Variants in ROBO2 observed in about 807,000 individuals in gnomAD.
ROBO2 encodes roundabout guidance receptor 2, also known as roundabout homolog 2.
In ROBO2, 53 loss-of-function variants were observed where a neutral mutation model predicts 160.8. The observed-to-expected ratio is 0.33, with a 90% CI of 0.26 to 0.41. The LOEUF is 0.41. Ranked by LOEUF, ROBO2 falls within the 10% of genes least tolerant of loss-of-function variation. The pLI is 1.00. For missense variants in ROBO2, 1,577 were observed against 1,722.4 expected, an observed-to-expected ratio of 0.92 and a Z score of 1.49; for synonymous variants, 664 against 611.7, an observed-to-expected ratio of 1.09 and a Z score of -1.26.
At chr3:77,630,253 T>C (rs1031772501) in intron 23 of ROBO2, 2 of 152,190 alleles carry the variant, frequency 1.3e-5, no homozygotes, top group Admixed American at 6.5e-5. Context: ...ACTGTAAAGA[T>C]ATTACCGGAG....
chr3:76,199,683 G>T (rs1702427354), intron 2 of ROBO2, among the ~76,000 whole-genome samples: 1 of 152,108 alleles, frequency 6.6e-6, no homozygotes, highest in Non-Finnish European at 1.5e-5. Context: ...GGCCCAAAAT[G>T]ATCAACACTC....
At chr3:77,240,432 C>T (rs1456056796) in intron 2 of ROBO2, among the ~76,000 whole-genome samples, 2 of 152,176 alleles carry the variant, frequency 1.3e-5, no homozygotes, top group Non-Finnish European at 2.9e-5. Flanking sequence ...CCTGCGATTG[C>T]CGCACACAGC....
intron 1 of ROBO2, among the ~76,000 whole-genome samples, chr3:75,910,835 T>C (rs1340368092): frequency 6.6e-6 from 1 of 152,128 alleles, no homozygotes; most frequent in Non-Finnish European, 1.5e-5. Context: ...AAACAGAAGA[T>C]ACTGAACAAA....
intron 16 of ROBO2, among the ~76,000 whole-genome samples, chr3:77,587,272 G>A (rs1240808132): frequency 1.3e-5 from 2 of 152,038 alleles, no homozygotes; most frequent in Non-Finnish European, 2.9e-5. Context: ...CAGGCCTGGA[G>A]GGTCGTGTGC....
At chr3:77,345,259 G>A (rs996720966) in intron 2 of ROBO2, among the ~76,000 whole-genome samples, 1 of 152,068 alleles carries the variant, frequency 6.6e-6, no homozygotes, top group Non-Finnish European at 1.5e-5. Context: ...GTCCCCACAG[G>A]GTTGCTTGTA....
At chr3:77,008,726 A>C (rs1427419583) in intron 2 of ROBO2, among the ~76,000 whole-genome samples, 2 of 152,188 alleles carry the variant, frequency 1.3e-5, no homozygotes, top group East Asian at 3.8e-4. Flanking sequence ...ATCTGTCAAG[A>C]TATGAAAATT....
rs191756087 is a variant in ROBO2, at chr3:76,298,681, C to A, written c.109+361079C>A. Among the ~76,000 whole-genome samples, 1,096 of 152,282 alleles carry A rather than the reference C, an allele frequency of 7.2e-3. 11 individuals are homozygous for A. The highest frequency in any genetic ancestry group is 8.1e-3 in the Non-Finnish European group (552 of 68,026). ...AACAACCTCATGGGATATATTTTAT[C>A]TCCATGTTTAAAATGGGACACTGAG... On this transcript the variant is annotated intron_variant, in intron 2 of 26. Transcript: ENST00000487694.
At chr3:76,759,335 C>G (rs1156797230) in intron 2 of ROBO2, among the ~76,000 whole-genome samples, 3 of 151,716 alleles carry the variant, frequency 2.0e-5, no homozygotes, top group Non-Finnish European at 2.9e-5. Context: ...AATTAAATGT[C>G]AGAATTTAAA....
chr3:75,990,877 G>A (rs992011655), intron 2 of ROBO2, among the ~76,000 whole-genome samples: 7 of 152,148 alleles, frequency 4.6e-5, no homozygotes, highest in African/African-American at 1.4e-4. Context: ...ACTTGAATCA[G>A]TAAACTGAGT....
At chr3:76,405,686 A>G (rs2078086550) in intron 2 of ROBO2, among the ~76,000 whole-genome samples, 1 of 151,704 alleles carries the variant, frequency 6.6e-6, no homozygotes, top group Non-Finnish European at 1.5e-5. Context: ...GCAAGAGTCC[A>G]CATGTTCATC....
chr3:76,798,259 GGAAAGAAAGAAAGAAA>G (rs71104619), intron 2 of ROBO2, among the ~76,000 whole-genome samples: 194 of 94,282 alleles, frequency 2.1e-3, no homozygotes, highest in South Asian at 7.6e-3. Flanking sequence ...AAAGAAAGAA[GGAAAGAAAGAAAGAAA>G]GAAAGAAAGA....
At chr3:76,488,766 A>G (rs1012254226) in intron 2 of ROBO2, among the ~76,000 whole-genome samples, 6 of 152,086 alleles carry the variant, frequency 3.9e-5, no homozygotes, top group Admixed American at 2.0e-4. Context: ...GGACACACAC[A>G]CAAAAAAGGG....
Position 76,034,146 on chromosome 3 carries a change from G to A in ROBO2, c.109+96544G>A, listed in dbSNP as rs150851290. Among the ~76,000 whole-genome samples, 376 of 152,184 alleles carry A rather than the reference G, an allele frequency of 2.5e-3. 2 individuals are homozygous for A. Among genetic ancestry groups the A allele is most frequent in the Middle Eastern group, 0.014 (4 of 294 alleles). ...ATCACTCTAGCACTCTGCTTTCATG[G>A]GTCATTTGCAGTGGCCTTTGAAATG... On this transcript the variant is annotated intron_variant, in intron 2 of 26. Coordinates refer to the ROBO2 transcript ENST00000487694.
chr3:77,493,089 G>A (rs933981603), intron 4 of ROBO2, among the ~76,000 whole-genome samples, 155 bp from the exon 5 acceptor site: 1 of 152,102 alleles, frequency 6.6e-6, no homozygotes, highest in Admixed American at 6.5e-5. Context: ...GAATGACATT[G>A]GATTCACAAG....
At chr3:77,234,990 G>T (rs62249662) in intron 2 of ROBO2, among the ~76,000 whole-genome samples, 1 of 152,048 alleles carries the variant, frequency 6.6e-6, no homozygotes, top group South Asian at 2.1e-4. Context: ...TATAATTTTA[G>T]CGTACAAAAG....
At chr3:77,563,497 G>C (rs897153431) in intron 11 of ROBO2, among the ~76,000 whole-genome samples, 168 bp downstream of exon 12, 1 of 151,910 alleles carries the variant, frequency 6.6e-6, no homozygotes, top group African/African-American at 2.4e-5. Flanking sequence ...ATTTTTTTTA[G>C]TTTACAACTT....
At chr3:76,008,385 T>A (rs890071971) in intron 2 of ROBO2, among the ~76,000 whole-genome samples, 1 of 152,174 alleles carries the variant, frequency 6.6e-6, no homozygotes. Context: ...ATCTGGATGA[T>A]GTCTTATGGT....
chr3:77,440,953 C>T (rs1047627688), intron 2 of ROBO2, among the ~76,000 whole-genome samples: 8 of 152,162 alleles, frequency 5.3e-5, no homozygotes, highest in African/African-American at 9.6e-5. Context: ...TTCTCCCATG[C>T]CTCCCCATTT....
At chr3:77,588,916 G>T in exon 17 of ROBO2, 1 of 1,613,262 alleles carries the variant, frequency 6.2e-7, no homozygotes, top group Non-Finnish European at 8.5e-7. Flanking sequence ...AAGAGGAAGG[G>T]ACTCAGTAAT....
Sources: allele counts gnomAD v4.1 joint callset (sites outside exome capture counted in the v4.1 genomes callset), GRCh38; gene constraint gnomAD v4.1.1; transcripts MANE v1.5; gene names NCBI Gene and HGNC (gene_info 2026-07-23, HGNC 2026-07-21).